The following ACADM variants were observed in gnomAD, a reference collection of about 807,000 sequenced individuals.
ACADM encodes the protein acyl-CoA dehydrogenase medium chain, also known as medium-chain specific acyl-CoA dehydrogenase, mitochondrial.
Under a neutral mutation model 58.9 loss-of-function variants are expected in ACADM, and 49 were observed. That is an observed-to-expected ratio of 0.83 (90% CI 0.66 to 1.06). The LOEUF (loss-of-function observed/expected upper bound fraction) is 1.06, where lower values mean the gene tolerates loss of function less well. Ranked by LOEUF, ACADM falls within the 50% of genes least tolerant of loss-of-function variation. ACADM has a pLI of 0.00. For synonymous variants in ACADM, 160 were observed against 157.7 expected (o/e 1.01, Z -0.11); for missense variants, 496 against 507.0 (o/e 0.98, Z 0.21).
intron 8 of ACADM, among the ~76,000 whole-genome samples, chr1:75,748,166 A>G (rs1557456614): frequency 6.6e-6 from 1 of 152,208 alleles, no homozygotes. Flanking sequence ...GCATAACACT[A>G]ATAGTCATAT....
chr1:75,756,094 C>A (rs564523498), intron 10 of ACADM, among the ~76,000 whole-genome samples: 15 of 152,182 alleles, frequency 9.9e-5, no homozygotes, highest in Middle Eastern at 3.4e-3. Flanking sequence ...TATGACAAAC[C>A]CACAGCCAAT....
intron 4 of ACADM, 128 bp from the exon 5 acceptor site, chr1:75,733,400 G>C (rs1391314814): frequency 9.7e-7 from 1 of 1,027,136 alleles, no homozygotes; most frequent in Non-Finnish European, 1.5e-6. Context: ...AACACATGTA[G>C]ATATTATATT....
chr1:75,737,281 T>TAA (rs1647306564), intron 6 of ACADM, among the ~76,000 whole-genome samples: 3 of 20,108 alleles, frequency 1.5e-4, no homozygotes, highest in Non-Finnish European at 2.8e-4. Context: ...CACACACAAA[T>TAA]ATATATATAT....
chr1:75,751,069 C>G (rs547852268), intron 10 of ACADM, among the ~76,000 whole-genome samples: 1 of 149,068 alleles, frequency 6.7e-6, no homozygotes, highest in African/African-American at 2.4e-5. Flanking sequence ...TAGCCGGGCG[C>G]GGTGGATCAC....
At chr1:75,737,094 T>TA (rs1557448079) in intron 6 of ACADM, among the ~76,000 whole-genome samples, 1 of 150,578 alleles carries the variant, frequency 6.6e-6, no homozygotes, top group Non-Finnish European at 1.5e-5. Context: ...AATGTTATGG[T>TA]AAAAAATAAT....
intron 7 of ACADM, 146 bp from the exon 8 acceptor site, chr1:75,745,660 C>A: frequency 1.4e-6 from 1 of 722,040 alleles, no homozygotes; most frequent in Non-Finnish European, 2.5e-6. Flanking sequence ...CGTGACTAGG[C>A]AAGTTTTTAA....
intron 2 of ACADM, among the ~76,000 whole-genome samples, chr1:75,729,503 TTTCTC>T (rs201781072): frequency 1.6e-5 from 2 of 126,884 alleles, no homozygotes; most frequent in African/African-American, 7.4e-5. Context: ...GGATGAAAAT[TTTCTC>T]TTTTCTTTTT....
intron 7 of ACADM, among the ~76,000 whole-genome samples, chr1:75,741,237 G>A (rs1211618020): frequency 6.6e-6 from 1 of 152,044 alleles, no homozygotes; most frequent in Admixed American, 6.5e-5. Context: ...CAGTTTTCTA[G>A]CAAATAAAAC....
chr1:75,754,231 G>A lies in ACADM; in HGVS notation c.945+3685G>A, dbSNP rs1202786759. On this transcript the variant is annotated intron_variant, in intron 10 of 11. Transcript: ENST00000370841. ...TTTGTTTTTTTTTTTTTTTTGAGACGGAGTCTTACTCTGTTGCCCAGGCTG... is the reference window on the plus strand; with the variant it reads ...TTTGTTTTTTTTTTTTTTTTGAGACAGAGTCTTACTCTGTTGCCCAGGCTG... 3.1e-4 allele frequency among the ~76,000 whole-genome samples: 41 copies of A among 134,304 alleles called. 1 individual carries two copies. Among genetic ancestry groups the A allele is most frequent in the African/African-American group, 1.0e-3 (37 of 35,990 alleles). 88.1% of individuals were successfully genotyped at this position (134,304 alleles called of 152,430 possible).
At chr1:75,733,709 A>G (rs1647190707) in intron 5 of ACADM, 81 bp downstream of exon 5, 2 of 1,188,368 alleles carry the variant, frequency 1.7e-6, no homozygotes, top group Non-Finnish European at 2.5e-6. Context: ...GATTTTTAGA[A>G]GAAAAAAAAA....
At chr1:75,762,653 A>G in intron 11 of ACADM, 39 bp from the exon 12 acceptor site, 1 of 1,240,088 alleles carries the variant, frequency 8.1e-7, no homozygotes, top group Non-Finnish European at 1.2e-6. Flanking sequence ...GTATTTATGT[A>G]CTAAAGATAT....
chr1:75,760,503 C>A (rs1648773329), intron 10 of ACADM, among the ~76,000 whole-genome samples: 1 of 117,234 alleles, frequency 8.5e-6, no homozygotes, highest in South Asian at 3.0e-4. Flanking sequence ...TGAGATCATG[C>A]CATTGCATTC....
At chr1:75,733,745 G>A in intron 5 of ACADM, 117 bp downstream of exon 5, 1 of 812,432 alleles carries the variant, frequency 1.2e-6, no homozygotes, top group Non-Finnish European at 2.1e-6. Flanking sequence ...ACTAGGTAAG[G>A]TTAGTGGGTA....
Position 75,753,044 on chromosome 1 carries a change from G to A in ACADM, c.945+2498G>A, listed in dbSNP as rs545552573. ...ACATTAAGAAACTCCGTACATTCCA[G>A]TCTGGGCAACAGTGTGAGACCCTGT... is the stretch of plus-strand genomic sequence containing the variant. On this transcript the variant is annotated intron_variant, in intron 10 of 11. Coordinates refer to ENST00000370841, the MANE Select transcript of ACADM (RefSeq NM_000016.6). Among the ~76,000 whole-genome samples, 10 of 152,240 alleles carry A rather than the reference G, an allele frequency of 6.6e-5. No homozygotes were observed. The South Asian group carries it at 2.1e-3, about 32-fold the overall frequency.
chr1:75,737,380 A>G (rs1423376361), intron 6 of ACADM, among the ~76,000 whole-genome samples: 2 of 147,734 alleles, frequency 1.4e-5, no homozygotes, highest in Non-Finnish European at 1.5e-5. Flanking sequence ...ACCAGTAGTG[A>G]CAAGCCATTT....
At chr1:75,744,408 A>G in intron 7 of ACADM, 1 of 1,503,126 alleles carries the variant, frequency 6.7e-7, no homozygotes, top group Non-Finnish European at 9.3e-7. Flanking sequence ...AAAGAGCTTC[A>G]ATCATGCCAT....
At position 75,762,687 on chromosome 1, in the gene ACADM, T is replaced by C; in HGVS notation, c.1195-5T>C. ...ATTTAACCTACACTTATATTTTTCT[T>C]GCAGATTTATGAAGGTACTTCACAA... On this transcript the variant is annotated splice_region_variant and splice_polypyrimidine_tract_variant and intron_variant, in intron 11 of 11. Transcript: ENST00000370841. 1 of 1,582,596 alleles carries C rather than the reference T, an allele frequency of 6.3e-7. No homozygotes were observed. Among genetic ancestry groups the C allele is most frequent in the Non-Finnish European group, 8.7e-7 (1 of 1,151,860 alleles).
At chr1:75,737,286 A>ATATATATATATATG (rs1647311783) in intron 6 of ACADM, among the ~76,000 whole-genome samples, 2 of 64,630 alleles carry the variant, frequency 3.1e-5, no homozygotes, top group African/African-American at 1.6e-4. Flanking sequence ...ACAAATATAT[A>ATATATATATATATG]TATATATATA....
intron 1 of ACADM, among the ~76,000 whole-genome samples, chr1:75,728,051 C>G (rs1252132010): frequency 6.6e-6 from 1 of 152,104 alleles, no homozygotes. Context: ...TCTCCCCACC[C>G]CAACTCTCCA....
Sources: gnomAD v4.1 joint callset for allele counts (sites outside exome capture counted in the v4.1 genomes callset) on GRCh38, gnomAD v4.1.1 for gene constraint, MANE v1.5 for transcripts, NCBI Gene and HGNC (gene_info 2026-07-23, HGNC 2026-07-21) for gene names.